Variants in TRPC6 observed in about 807,000 individuals in gnomAD.
TRPC6 encodes the protein short transient receptor potential channel 6.
In TRPC6, 55 loss-of-function variants were observed where a neutral mutation model predicts 90.7. The observed-to-expected ratio is 0.61, with a 90% CI of 0.49 to 0.76. TRPC6 has a LOEUF of 0.76. Ranked by LOEUF, TRPC6 falls within the 30% of genes least tolerant of loss-of-function variation. The pLI is 0.00. For synonymous variants in TRPC6, 393 were observed against 393.0 expected (o/e 1.00, Z 0.00); for missense variants, 989 against 1,122.7 (o/e 0.88, Z 1.70).
intron 2 of TRPC6, among the ~76,000 whole-genome samples, chr11:101,491,956 T>G (rs563504795): frequency 1.4e-5 from 2 of 147,642 alleles, no homozygotes; most frequent in Non-Finnish European, 3.0e-5. Context: ...TTCTCCTGCC[T>G]CAGCCTCCCG....
chr11:101,574,262 G>T (rs1862027423), intron 1 of TRPC6, among the ~76,000 whole-genome samples: 1 of 150,862 alleles, frequency 6.6e-6, no homozygotes, highest in Non-Finnish European at 1.5e-5. Context: ...AGGAACTTAG[G>T]AATACCATAA....
intron 2 of TRPC6, among the ~76,000 whole-genome samples, chr11:101,493,023 C>A (rs1048946476): frequency 6.6e-6 from 1 of 152,172 alleles, no homozygotes; most frequent in African/African-American, 2.4e-5. Context: ...ATTCAGATTA[C>A]CGTAAACTCA....
intron 2 of TRPC6, among the ~76,000 whole-genome samples, chr11:101,495,591 A>G (rs563203011): frequency 7.0e-6 from 1 of 141,910 alleles, no homozygotes; most frequent in Non-Finnish European, 1.5e-5. Flanking sequence ...GATCAATGGT[A>G]ATTATTATTA....
chr11:101,533,536 C>T (rs977541840), intron 1 of TRPC6, among the ~76,000 whole-genome samples: 15 of 152,098 alleles, frequency 9.9e-5, no homozygotes, highest in South Asian at 6.2e-4. Flanking sequence ...CAATTCAACA[C>T]GAGCTTTGGG....
chr11:101,499,603 T>TATATATACACACACAATCTAAA (rs375026688), intron 2 of TRPC6, among the ~76,000 whole-genome samples: 1 of 68,724 alleles, frequency 1.5e-5, no homozygotes, highest in Non-Finnish European at 3.0e-5. Context: ...TATACGTATA[T>TATATATACACACACAATCTAAA]ATGGTATATA....
intron 1 of TRPC6, among the ~76,000 whole-genome samples, chr11:101,528,378 C>T (rs1860831942): frequency 1.3e-5 from 2 of 152,156 alleles, no homozygotes; most frequent in African/African-American, 4.8e-5. Context: ...GGATAAACCT[C>T]ATTGCCTACA....
chr11:101,483,048 G>A lies in TRPC6; in HGVS notation c.1411C>T (p.Leu471Phe). The A allele has an allele frequency of 1.2e-6, 2 of 1,614,044 alleles. No homozygotes were observed. Among genetic ancestry groups the A allele is most frequent in the Non-Finnish European group, 1.7e-6 (2 of 1,179,948 alleles). ...TTATCTGTGCTGGTTTCATTAGGAA[G>A]GAGTTTTGTGCCTTCAAATCTGTCA... The part of the protein sequence containing the change: ...AADRFEGTKL[L>F]PNETSTDNAK... The change falls in exon 5 of 13, where the codon CTT becomes TTT. Residue 471 changes from leucine (L) to phenylalanine (F), a missense_variant. Coordinates refer to ENST00000344327, the MANE Select transcript of TRPC6 (RefSeq NM_004621.6).
intron 1 of TRPC6, among the ~76,000 whole-genome samples, chr11:101,567,691 T>C (rs943881595): frequency 3.9e-5 from 6 of 152,166 alleles, no homozygotes; most frequent in Non-Finnish European, 7.3e-5. Flanking sequence ...TCTGGGCTAT[T>C]CTGCAGCCTC....
intron 2 of TRPC6, among the ~76,000 whole-genome samples, chr11:101,495,311 C>A (rs539903039): frequency 1.2e-4 from 18 of 152,154 alleles, no homozygotes; most frequent in African/African-American, 3.1e-4. Context: ...GCTCTTCTTT[C>A]TATATAAAGA....
chr11:101,576,419 G>A (rs1862071209), intron 1 of TRPC6, among the ~76,000 whole-genome samples: 1 of 152,190 alleles, frequency 6.6e-6, no homozygotes, highest in Admixed American at 6.5e-5. Context: ...CATATAGGTT[G>A]TTTGAGTATG....
intron 2 of TRPC6, among the ~76,000 whole-genome samples, chr11:101,493,098 C>T (rs939400952): frequency 1.3e-5 from 2 of 152,146 alleles, no homozygotes; most frequent in African/African-American, 4.8e-5. Context: ...TTTCCTCCCT[C>T]TATTTTCTTA....
At chr11:101,481,035 T>C (rs1859538877) in intron 5 of TRPC6, among the ~76,000 whole-genome samples, 1 of 152,218 alleles carries the variant, frequency 6.6e-6, no homozygotes, top group Non-Finnish European at 1.5e-5. Context: ...ATTCAGGAAA[T>C]GAAGTGATTT....
chr11:101,541,554 G>T (rs1378276716), intron 1 of TRPC6, among the ~76,000 whole-genome samples: 1 of 152,000 alleles, frequency 6.6e-6, no homozygotes, highest in Non-Finnish European at 1.5e-5. Flanking sequence ...GTACAGACAG[G>T]GTTTTACTGT....
chr11:101,488,744 G>C (rs901296912), intron 4 of TRPC6, among the ~76,000 whole-genome samples, 193 bp downstream of exon 4: 1 of 152,176 alleles, frequency 6.6e-6, no homozygotes, highest in Admixed American at 6.5e-5. Flanking sequence ...TAGCAAACAT[G>C]TATTACTTTT....
intron 1 of TRPC6, among the ~76,000 whole-genome samples, chr11:101,528,913 T>C (rs1860846884): frequency 6.6e-6 from 1 of 152,048 alleles, no homozygotes; most frequent in Admixed American, 6.6e-5. Context: ...ATATTAATGA[T>C]TCTTCCCAAG....
chr11:101,565,430 T>C (rs1861807076), intron 1 of TRPC6, among the ~76,000 whole-genome samples: 1 of 152,200 alleles, frequency 6.6e-6, no homozygotes, highest in Middle Eastern at 3.4e-3. Context: ...ATTACAGACT[T>C]GAAGTTTACA....
intron 2 of TRPC6, among the ~76,000 whole-genome samples, chr11:101,496,092 GA>G (rs2136717744): frequency 6.6e-6 from 1 of 152,212 alleles, no homozygotes; most frequent in African/African-American, 2.4e-5. Context: ...GAGAGAGAGA[GA>G]GAGAGAGTGA....
intron 1 of TRPC6, among the ~76,000 whole-genome samples, chr11:101,514,048 T>C (rs761971806): frequency 2.0e-5 from 3 of 152,224 alleles, no homozygotes; most frequent in Non-Finnish European, 4.4e-5. Context: ...ATGCAGCACA[T>C]AGCTTTCATT....
At chr11:101,583,249 G>A (rs1421802851) in intron 1 of TRPC6, 85 bp downstream of exon 1, 3 of 1,494,782 alleles carry the variant, frequency 2.0e-6, no homozygotes, top group Non-Finnish European at 2.7e-6. Flanking sequence ...CAGGACGCGC[G>A]CGGACGGACT....
Sources: gnomAD v4.1 joint callset for allele counts (sites outside exome capture counted in the v4.1 genomes callset) on GRCh38, gnomAD v4.1.1 for gene constraint, MANE v1.5 for transcripts, NCBI Gene and HGNC (gene_info 2026-07-23, HGNC 2026-07-21) for gene names.